TMEM132D: variants seen among roughly 807,000 people sequenced by gnomAD.
TMEM132D encodes the protein transmembrane protein 132D, also known as mature OL transmembrane protein.
In TMEM132D, 21 loss-of-function variants were observed where a neutral mutation model predicts 62.3. The ratio of observed to expected loss-of-function variants is 0.34; its 90% CI spans 0.24 to 0.49. The LOEUF (loss-of-function observed/expected upper bound fraction) is 0.49. TMEM132D is among the 20% of genes least tolerant of loss of function. The pLI is 0.99. For missense variants in TMEM132D, 1,346 were observed against 1,402.8 expected, an observed-to-expected ratio of 0.96 and a Z score of 0.65; for synonymous variants, 621 against 575.6, an observed-to-expected ratio of 1.08 and a Z score of -1.13.
intron 3 of TMEM132D, among the ~76,000 whole-genome samples, chr12:129,446,113 G>C (rs946599615): frequency 2.0e-5 from 3 of 152,152 alleles, no homozygotes; most frequent in Admixed American, 2.0e-4. Flanking sequence ...TCAGGTGATA[G>C]GTGTTGGTTC....
At chr12:129,162,607 G>A (rs1877431282) in intron 5 of TMEM132D, among the ~76,000 whole-genome samples, 1 of 152,062 alleles carries the variant, frequency 6.6e-6, no homozygotes, top group Non-Finnish European at 1.5e-5. Flanking sequence ...CCTTATGAGT[G>A]CCTCGGTGAT....
intron 4 of TMEM132D, among the ~76,000 whole-genome samples, chr12:129,271,094 A>G (rs1269871600): frequency 6.6e-6 from 1 of 152,074 alleles, no homozygotes; most frequent in Non-Finnish European, 1.5e-5. Flanking sequence ...TTTGGAGTGC[A>G]TTTTTCCCAA....
In TMEM132D at chr12:129,899,394, AATGGATGGATGCATGGATGG is replaced by A. The variant is rs1260517917; in HGVS notation, c.79+3847_79+3866del. Among the ~76,000 whole-genome samples, 23 of 92,930 alleles carry A rather than the reference AATGGATGGATGCATGGATGG, an allele frequency of 2.5e-4. 3 individuals carry two copies. The highest frequency in any genetic ancestry group is 9.1e-4 in the African/African-American group (17 of 18,778). The allele number at this position is 92,930 out of a possible 152,430, so 61.0% of individuals were successfully genotyped here. A position where few individuals can be genotyped will look rare whatever the true frequency, so the allele number is the denominator to read the frequency against. The stretch of plus-strand genomic sequence containing the variant: ...TGGACTGGTAGATGGATGGGTGGAT[AATGGATGGATGCATGGATGG>A]ATGGATGGATGGATGGATGGATGGG... On this transcript the variant is annotated intron_variant, in intron 1 of 8. Transcript: ENST00000422113.
At chr12:129,784,142 AAC>A (rs1485103745) in intron 1 of TMEM132D, among the ~76,000 whole-genome samples, 1 of 152,212 alleles carries the variant, frequency 6.6e-6, no homozygotes, top group Non-Finnish European at 1.5e-5. Flanking sequence ...ACTGAAAAAT[AAC>A]AGACACAAGC....
intron 4 of TMEM132D, among the ~76,000 whole-genome samples, chr12:129,222,372 G>A (rs912430947): frequency 1.8e-4 from 28 of 152,252 alleles, no homozygotes; most frequent in African/African-American, 5.8e-4. Flanking sequence ...GCCATAGCAC[G>A]TATCCACACT....
chr12:129,701,346 G>A (rs1208142112), intron 1 of TMEM132D, among the ~76,000 whole-genome samples: 1 of 152,214 alleles, frequency 6.6e-6, no homozygotes, highest in Non-Finnish European at 1.5e-5. Context: ...GAGAGATGCA[G>A]AGAAAATACC....
chr12:129,538,515 G>A (rs1240736056), intron 2 of TMEM132D, among the ~76,000 whole-genome samples: 1 of 152,164 alleles, frequency 6.6e-6, no homozygotes, highest in East Asian at 1.9e-4. Context: ...CCCAGTGGAT[G>A]TATGAAACCA....
At chr12:129,393,292 G>A (rs1871338517) in intron 3 of TMEM132D, among the ~76,000 whole-genome samples, 1 of 152,224 alleles carries the variant, frequency 6.6e-6, no homozygotes, top group South Asian at 2.1e-4. Flanking sequence ...GTGAGTGAAT[G>A]AGTGAGGTGA....
chr12:129,720,531 TGTGAATGTTAA>T (rs775546840), intron 1 of TMEM132D, among the ~76,000 whole-genome samples: 6 of 152,214 alleles, frequency 3.9e-5, no homozygotes, highest in Non-Finnish European at 8.8e-5. Context: ...TTCATCATTT[TGTGAATGTTAA>T]GATACGGAGG....
intron 5 of TMEM132D, among the ~76,000 whole-genome samples, chr12:129,183,773 TC>T (rs1390223615): frequency 6.6e-6 from 1 of 151,598 alleles, no homozygotes; most frequent in Non-Finnish European, 1.5e-5. Context: ...CACGGATGAT[TC>T]TTTGGAGCTG....
rs1011055363 is a variant in TMEM132D, at chr12:129,392,364, C to T, written c.1116-54547G>A. ...TGAGCCACCGCCCCCTGCCTGGCCT[C>T]AGTATTTCTTAAAAGTTCCCAGCTG... On this transcript the variant is annotated intron_variant, in intron 3 of 8. Coordinates refer to ENST00000422113, the MANE Select transcript of TMEM132D (RefSeq NM_133448.3). Among the ~76,000 whole-genome samples, 4 of 152,190 alleles carry T rather than the reference C, an allele frequency of 2.6e-5. 1 individual carries two copies. The highest frequency in any genetic ancestry group is 5.9e-5 in the Non-Finnish European group (4 of 68,028).
intron 2 of TMEM132D, among the ~76,000 whole-genome samples, chr12:129,549,016 T>C (rs1876816687): frequency 6.6e-6 from 1 of 152,236 alleles, no homozygotes; most frequent in Non-Finnish European, 1.5e-5. Context: ...TATCACCATT[T>C]CCTCCAGACA....
intron 2 of TMEM132D, among the ~76,000 whole-genome samples, chr12:129,619,994 C>T (rs748146267): frequency 6.6e-6 from 1 of 152,230 alleles, no homozygotes; most frequent in Non-Finnish European, 1.5e-5. Context: ...CCACGCAGCC[C>T]AGGTCAGCAG....
chr12:129,309,690 G>A (rs898767676), intron 4 of TMEM132D, among the ~76,000 whole-genome samples: 4 of 152,094 alleles, frequency 2.6e-5, no homozygotes, highest in Non-Finnish European at 5.9e-5. Context: ...CATTAGGAGA[G>A]CAAGGTGTCG....
intron 5 of TMEM132D, among the ~76,000 whole-genome samples, chr12:129,134,959 A>G (rs1406852594): frequency 6.6e-6 from 1 of 152,236 alleles, no homozygotes; most frequent in African/African-American, 2.4e-5. Flanking sequence ...CCCACACTGG[A>G]CCAATTAGAG....
intron 2 of TMEM132D, among the ~76,000 whole-genome samples, chr12:129,596,017 A>C (rs1878326326): frequency 6.6e-6 from 1 of 152,266 alleles, no homozygotes; most frequent in African/African-American, 2.4e-5. Flanking sequence ...GGCTTGAAAC[A>C]AAGTCCTGGC....
intron 2 of TMEM132D, among the ~76,000 whole-genome samples, chr12:129,617,605 G>C (rs949820071): frequency 2.0e-5 from 3 of 152,180 alleles, no homozygotes; most frequent in African/African-American, 7.2e-5. Context: ...GGTTCTATTT[G>C]TTGATGCGAG....
At chr12:129,434,638 G>A (rs1042252643) in intron 3 of TMEM132D, among the ~76,000 whole-genome samples, 13 of 151,320 alleles carry the variant, frequency 8.6e-5, no homozygotes, top group African/African-American at 1.2e-4. Flanking sequence ...AAAAGGAGAC[G>A]CAGACATTTT....
At chr12:129,651,352 G>T (rs112013044) in intron 2 of TMEM132D, among the ~76,000 whole-genome samples, 4 of 152,242 alleles carry the variant, frequency 2.6e-5, no homozygotes, top group African/African-American at 9.6e-5. Flanking sequence ...TTGCACCAGT[G>T]CTTTTCAATT....
Sources: allele counts gnomAD v4.1 joint callset (sites outside exome capture counted in the v4.1 genomes callset), GRCh38; gene constraint gnomAD v4.1.1; transcripts MANE v1.5; gene names NCBI Gene and HGNC (gene_info 2026-07-23, HGNC 2026-07-21).